Variants in UBE2QL1 observed in about 807,000 individuals in gnomAD.
UBE2QL1 encodes ubiquitin conjugating enzyme E2 QL1, also known as ubiquitin-conjugating enzyme E2Q-like protein 1.
In UBE2QL1, 5 loss-of-function variants were observed where a neutral mutation model predicts 12.6. The observed-to-expected ratio is 0.40, with a 90% CI of 0.21 to 0.83. The LOEUF (loss-of-function observed/expected upper bound fraction) is 0.83. Among genes scored for constraint, UBE2QL1 ranks in the 40% least tolerant of loss-of-function variants. The pLI is 0.37. For synonymous variants in UBE2QL1, 96 were observed against 94.5 expected, an observed-to-expected ratio of 1.02 and a Z score of -0.10; for missense variants, 99 against 222.6, an observed-to-expected ratio of 0.44 and a Z score of 3.53.
At chr5:6,490,991 C>T (rs59957518) in intron 1 of UBE2QL1, among the ~76,000 whole-genome samples, 5,942 of 152,200 alleles carry the variant, frequency 0.039, 405 homozygotes, top group African/African-American at 0.14. Context: ...GACAGCACCC[C>T]CCTCCCCTAA....
At chr5:6,480,401 C>T (rs770846039) in intron 1 of UBE2QL1, among the ~76,000 whole-genome samples, 5 of 152,326 alleles carry the variant, frequency 3.3e-5, no homozygotes, top group Admixed American at 6.5e-5. Flanking sequence ...CTCAGACAGC[C>T]CTCGACACAG....
At chr5:6,450,271 T>G in intron 1 of UBE2QL1, among the ~76,000 whole-genome samples, 1 of 152,268 alleles carries the variant, frequency 6.6e-6, no homozygotes, top group East Asian at 1.9e-4. Flanking sequence ...GGCTAAAGAT[T>G]TTAACGAAAT....
intron 1 of UBE2QL1, among the ~76,000 whole-genome samples, chr5:6,449,889 A>C (rs1739378642): frequency 9.3e-6 from 1 of 107,426 alleles, no homozygotes. Context: ...ACACACACAC[A>C]CAAGGCTCCT....
At chr5:6,454,398 G>T (rs1739474459) in intron 1 of UBE2QL1, among the ~76,000 whole-genome samples, 1 of 152,126 alleles carries the variant, frequency 6.6e-6, no homozygotes, top group Admixed American at 6.5e-5. Flanking sequence ...AACACAGTCA[G>T]ATTGGATTAG....
At position 6,495,151 on chromosome 5, in the gene UBE2QL1, GC is replaced by G. The variant is rs1477085719; in HGVS notation, c.*3805del. On this transcript the variant is annotated 3_prime_UTR_variant, in exon 2 of 2. Transcript: ENST00000399816. ...GGGAGCGTGGACTCTGTCCTCACTG[GC>G]CCTGAACGGGAGAACTGGAGTCCCC... Among the ~76,000 whole-genome samples, 1 of 152,144 alleles carries G rather than the reference GC, an allele frequency of 6.6e-6. No individual in the cohort carries two copies. The highest frequency in any genetic ancestry group is 2.4e-5 in the African/African-American group (1 of 41,442).
At chr5:6,485,523 T>C (rs1480550803) in intron 1 of UBE2QL1, among the ~76,000 whole-genome samples, 1 of 152,192 alleles carries the variant, frequency 6.6e-6, no homozygotes, top group Non-Finnish European at 1.5e-5. Flanking sequence ...TGCCCCCAGA[T>C]AGAAGTTTTA....
intron 1 of UBE2QL1, among the ~76,000 whole-genome samples, chr5:6,451,313 T>G (rs1338521058): frequency 6.6e-6 from 1 of 152,110 alleles, no homozygotes; most frequent in Non-Finnish European, 1.5e-5. Flanking sequence ...ACATTAATGC[T>G]GTGTATAATA....
Position 6,478,890 on chromosome 5 carries a change from G to T in UBE2QL1, c.355-12328G>T, listed in dbSNP as rs1734293198. Among the ~76,000 whole-genome samples, 1 of 152,096 alleles carries T rather than the reference G, an allele frequency of 6.6e-6. No individual in the cohort carries two copies. Among genetic ancestry groups the T allele is most frequent in the East Asian group, 1.9e-4 (1 of 5,180 alleles). The stretch of plus-strand genomic sequence containing the variant: ...AAGGCAGGAGACATGGAGAGTGGGT[G>T]CCCATCGGTGCATCTGATCTCCCTG... On this transcript the variant is annotated intron_variant, in intron 1 of 1. Transcript: ENST00000399816. The surrounding 1 kb of genome is among the most constrained non-coding windows in gnomAD (Gnocchi z 4.5).
At chr5:6,477,349 C>G (rs1011321241) in intron 1 of UBE2QL1, among the ~76,000 whole-genome samples, 11 of 152,272 alleles carry the variant, frequency 7.2e-5, no homozygotes, top group Middle Eastern at 3.4e-3. Flanking sequence ...GGTCAGCCTG[C>G]TGAGGACAGG....
intron 1 of UBE2QL1, among the ~76,000 whole-genome samples, chr5:6,467,342 G>A (rs1739818786): frequency 6.6e-6 from 1 of 152,064 alleles, no homozygotes; most frequent in Non-Finnish European, 1.5e-5. Flanking sequence ...AGACTTCCTG[G>A]AGAGGGGAAG....
rs528378651 is a variant in UBE2QL1, at chr5:6,496,364, G to A, written c.*5015G>A. ...CACAGAAACTGCTGTCACCTGATGT[G>A]CTTGGTTTCATTCCTGCCTGCCTTC... On this transcript the variant is annotated 3_prime_UTR_variant, in exon 2 of 2. Coordinates refer to ENST00000399816, the MANE Select transcript of UBE2QL1 (RefSeq NM_001145161.3). Among the ~76,000 whole-genome samples the A allele has an allele frequency of 6.6e-6, 1 of 152,318 alleles. No individual in the cohort carries two copies. The highest frequency in any genetic ancestry group is 6.5e-5 in the Admixed American group (1 of 15,300).
chr5:6,489,797 A>G (rs887027648), intron 1 of UBE2QL1, among the ~76,000 whole-genome samples: 3 of 152,230 alleles, frequency 2.0e-5, no homozygotes, highest in African/African-American at 7.2e-5. Flanking sequence ...ACACAGACCC[A>G]TATGGCTTCT....
chr5:6,454,380 C>T (rs554220828), intron 1 of UBE2QL1, among the ~76,000 whole-genome samples: 118 of 152,210 alleles, frequency 7.8e-4, no homozygotes, highest in African/African-American at 2.7e-3. Flanking sequence ...ATCTCCTCTT[C>T]GTGTAAGAAC....
At chr5:6,487,783 C>T (rs1734492663) in intron 1 of UBE2QL1, among the ~76,000 whole-genome samples, 1 of 152,160 alleles carries the variant, frequency 6.6e-6, no homozygotes, top group Admixed American at 6.5e-5. Context: ...CACTTGATTC[C>T]CAGAAGTTCA....
Position 6,491,340 on chromosome 5 carries a change from C to T in UBE2QL1, c.477C>T (p.Ser159=), listed in dbSNP as rs776123128. 1.8e-5 allele frequency: 28 copies of T among 1,550,308 alleles called. No homozygotes were observed. The highest frequency in any genetic ancestry group is 1.7e-4 in the Middle Eastern group (1 of 5,920). ...EKYGWVTPPV[S]DG ...ATGGTTGGGTCACCCCGCCCGTGTC[C>T]GACGGCTGATGTCTGCCACGTGCAG... is the stretch of plus-strand genomic sequence containing the variant. The change falls in exon 2 of 2, where the codon TCC becomes TCT. Residue 159 remains serine (S), a synonymous_variant. Coordinates refer to ENST00000399816, the MANE Select transcript of UBE2QL1 (RefSeq NM_001145161.3).
intron 1 of UBE2QL1, among the ~76,000 whole-genome samples, chr5:6,467,338 C>T (rs1579293096): frequency 6.6e-6 from 1 of 152,220 alleles, no homozygotes; most frequent in Non-Finnish European, 1.5e-5. Context: ...TCGCAGACTT[C>T]CTGGAGAGGG....
At chr5:6,489,926 C>G (rs1007605643) in intron 1 of UBE2QL1, among the ~76,000 whole-genome samples, 23 of 152,208 alleles carry the variant, frequency 1.5e-4, no homozygotes, top group Non-Finnish European at 3.2e-4. Flanking sequence ...GCACCAGTGC[C>G]CCGAATTGGA....
intron 1 of UBE2QL1, among the ~76,000 whole-genome samples, chr5:6,490,160 A>G (rs185772391): frequency 5.9e-5 from 9 of 152,314 alleles, no homozygotes. Context: ...CTCAGAGGCT[A>G]AGGGAACGTT....
intron 1 of UBE2QL1, among the ~76,000 whole-genome samples, chr5:6,484,468 GAACCCAGCTCTTCT>G (rs1022387992): frequency 1.3e-5 from 2 of 152,084 alleles, no homozygotes; most frequent in Non-Finnish European, 2.9e-5. Context: ...TCCTTGATTC[GAACCCAGCTCTTCT>G]ATAGCCCTTG....
Sources: allele counts gnomAD v4.1 joint callset (sites outside exome capture counted in the v4.1 genomes callset), GRCh38; gene constraint gnomAD v4.1.1; non-coding constraint Gnocchi (gnomAD v3.1); transcripts MANE v1.5; gene names NCBI Gene and HGNC (gene_info 2026-07-23, HGNC 2026-07-21).